SETD7: variants seen among roughly 807,000 people sequenced by gnomAD.
The protein encoded by SETD7 is histone-lysine N-methyltransferase SETD7.
A neutral mutation model predicts 41.8 loss-of-function variants in SETD7; 16 were observed. The observed-to-expected ratio is 0.38, with a 90% CI of 0.26 to 0.58. SETD7 has a LOEUF of 0.58. Ranked by LOEUF, SETD7 falls within the 20% of genes least tolerant of loss-of-function variation. SETD7 has a pLI of 0.64. For synonymous variants in SETD7, 163 were observed against 169.7 expected, an observed-to-expected ratio of 0.96 and a Z score of 0.31; for missense variants, 346 against 459.7, an observed-to-expected ratio of 0.75 and a Z score of 2.26.
rs773839398 is a variant in SETD7, at chr4:139,523,368, A to G, written c.630T>C (p.Pro210=). 3 of 1,611,724 alleles carry G rather than the reference A, an allele frequency of 1.9e-6. No homozygotes were observed. The highest frequency in any genetic ancestry group is 2.5e-6 in the Non-Finnish European group (3 of 1,177,894). ...CISTNALLPD[P]YESERVYVAE... ...GAGGAAATTACCTTTCTGATTCATA[A>G]GGATCTGGAAGAAGAGCATTGGTAG... is the stretch of plus-strand genomic sequence containing the variant. Residue 210 remains proline, a synonymous_variant, in exon 5 of 8, where the codon CCT becomes CCC. Coordinates refer to ENST00000274031, the MANE Select transcript of SETD7 (RefSeq NM_030648.4).
chr4:139,549,138 T>A (rs968935966), intron 1 of SETD7, among the ~76,000 whole-genome samples: 1 of 152,232 alleles, frequency 6.6e-6, no homozygotes, highest in Non-Finnish European at 1.5e-5. Context: ...TAGGTATTAA[T>A]ATCCAAATAA....
chr4:139,521,381 G>T (rs1411217043), intron 5 of SETD7, among the ~76,000 whole-genome samples: 4 of 151,414 alleles, frequency 2.6e-5, no homozygotes. Context: ...AGCTGAAATT[G>T]CACCATTGCA....
At chr4:139,542,625 T>C (rs1434426657) in intron 2 of SETD7, among the ~76,000 whole-genome samples, 17 of 151,836 alleles carry the variant, frequency 1.1e-4, no homozygotes, top group Admixed American at 1.1e-3. Context: ...TAATTACTTC[T>C]ATGGCATGGG....
rs565450310 is a variant in SETD7, at chr4:139,551,557, T to C, written c.41-4508A>G. ...CAGGCCTATATTCTAAGCAGCAATGTACATCTCAATCTCAGCAAAGTAAAT... is the reference window on the plus strand; with the variant it reads ...CAGGCCTATATTCTAAGCAGCAATGCACATCTCAATCTCAGCAAAGTAAAT... On this transcript the variant is annotated intron_variant, in intron 1 of 7. Coordinates refer to ENST00000274031, the MANE Select transcript of SETD7 (RefSeq NM_030648.4). Among the ~76,000 whole-genome samples the C allele has an allele frequency of 2.0e-5, 3 of 152,272 alleles. No homozygotes were observed. The East Asian group carries it at 5.8e-4, about 29-fold the overall frequency.
rs1727483725 is a variant in SETD7 at position 139,531,608 on chromosome 4, T to C, written c.372+1557A>G. ...ATCACGGATCCTACCAAGAGGATAT[T>C]TAAATGCTTTAGCAATTCTTAGAAA... On this transcript the variant is annotated intron_variant, in intron 3 of 7. Coordinates refer to ENST00000274031, the MANE Select transcript of SETD7 (RefSeq NM_030648.4). Among the ~76,000 whole-genome samples the C allele has an allele frequency of 5.9e-5, 9 of 152,350 alleles. No individual in the cohort carries two copies. The South Asian group carries it at 1.9e-3, about 32-fold the overall frequency.
chr4:139,496,264 G>A (rs1726452751), exon 8 of SETD7: 1 of 592,950 alleles, frequency 1.7e-6, no homozygotes, highest in East Asian at 2.9e-5. Flanking sequence ...GGCTCCCAGA[G>A]TGCGATTTTG....
intron 2 of SETD7, chr4:139,546,395 G>A (rs1009287961): frequency 9.2e-6 from 2 of 217,184 alleles, no homozygotes; most frequent in African/African-American, 2.4e-5. Context: ...CTGAGAAACC[G>A]ATGAAGCAGA....
chr4:139,526,274 ATT>A (rs35426583), intron 4 of SETD7, among the ~76,000 whole-genome samples: 19 of 141,138 alleles, frequency 1.3e-4, no homozygotes, highest in Middle Eastern at 3.3e-3. Context: ...ACTCTCAACA[ATT>A]TTTTTTTTTT....
rs1476698985 is a variant in SETD7 at position 139,516,484 on chromosome 4, AAAAC to A, written c.920+1397_920+1400del. On this transcript the variant is annotated intron_variant, in intron 7 of 7. Transcript: ENST00000274031. Reference sequence around the variant, plus strand: ...CTGTCTCAAAAAAAAAAAAAAAAAAAAAACAATGAAAAAGAATTTTCTAGTCATT... The same window carrying A: ...CTGTCTCAAAAAAAAAAAAAAAAAAAAATGAAAAAGAATTTTCTAGTCATT... 4.3e-4 allele frequency among the ~76,000 whole-genome samples: 65 copies of A among 151,222 alleles called. 1 individual carries two copies. In the East Asian group the frequency reaches 5.1e-3, roughly 12 times the overall value.
chr4:139,547,182 G>T, intron 1 of SETD7, 133 bp from the exon 2 acceptor site: 1 of 1,111,252 alleles, frequency 9.0e-7, no homozygotes, highest in Non-Finnish European at 1.3e-6. Context: ...CCCCTCCCTG[G>T]AAAGAAAGGG....
At chr4:139,526,718 T>C (rs1339810694) in intron 4 of SETD7, among the ~76,000 whole-genome samples, 1 of 152,192 alleles carries the variant, frequency 6.6e-6, no homozygotes, top group Non-Finnish European at 1.5e-5. Flanking sequence ...AAGGATAATA[T>C]AGTAAATGTT....
At chr4:139,534,945 T>C (rs1156248919) in intron 2 of SETD7, among the ~76,000 whole-genome samples, 2 of 152,230 alleles carry the variant, frequency 1.3e-5, no homozygotes, top group Admixed American at 6.5e-5. Flanking sequence ...ATTATACTAT[T>C]TGTAGTATCC....
intron 7 of SETD7, among the ~76,000 whole-genome samples, chr4:139,500,309 CT>C (rs940086964): frequency 2.6e-5 from 4 of 152,160 alleles, no homozygotes; most frequent in African/African-American, 4.8e-5. Context: ...CATGAACCCC[CT>C]GCTTCCACCT....
intron 2 of SETD7, among the ~76,000 whole-genome samples, chr4:139,538,556 T>C (rs986031674): frequency 6.6e-6 from 1 of 152,174 alleles, no homozygotes; most frequent in Admixed American, 6.5e-5. Flanking sequence ...CTCGAACTCC[T>C]GACCTCAAGT....
At chr4:139,528,293 C>A (rs921743310) in intron 4 of SETD7, among the ~76,000 whole-genome samples, 2 of 152,202 alleles carry the variant, frequency 1.3e-5, no homozygotes, top group Admixed American at 1.3e-4. Context: ...TTGTGCTCCA[C>A]GCAAGATGTT....
chr4:139,514,142 G>T (rs936873192), intron 7 of SETD7, among the ~76,000 whole-genome samples: 1 of 152,160 alleles, frequency 6.6e-6, no homozygotes, highest in African/African-American at 2.4e-5. Context: ...AAATTAGCCA[G>T]GGGTGGTGGT....
At chr4:139,494,316 A>T (rs1726415497), downstream of SETD7, among the ~76,000 whole-genome samples, 1 of 152,200 alleles carries the variant, frequency 6.6e-6, no homozygotes, top group Admixed American at 6.5e-5. Flanking sequence ...TCTAGGCCCC[A>T]CAATGAACTG....
At chr4:139,536,681 C>T (rs1012517711) in intron 2 of SETD7, among the ~76,000 whole-genome samples, 2 of 150,658 alleles carry the variant, frequency 1.3e-5, no homozygotes, top group African/African-American at 4.9e-5. Context: ...CACTGCACTC[C>T]AGCCTGGGTG....
chr4:139,511,537 G>A lies in SETD7; in HGVS notation c.*126C>T. On this transcript the variant is annotated 3_prime_UTR_variant, in exon 8 of 8. Coordinates refer to ENST00000274031, the MANE Select transcript of SETD7 (RefSeq NM_030648.4). The stretch of plus-strand genomic sequence containing the variant: ...CTAGTTAGTATGCGAGAAAGTCGTT[G>A]CTAACGCATGGTGAGAGGATGTGAC... 1.9e-6 allele frequency: 3 copies of A among 1,549,360 alleles called. No homozygotes were observed. The highest frequency in any genetic ancestry group is 4.0e-4 in the Middle Eastern group (2 of 4,970).
Sources: gnomAD v4.1 joint callset for allele counts (sites outside exome capture counted in the v4.1 genomes callset) on GRCh38, gnomAD v4.1.1 for gene constraint, MANE v1.5 for transcripts, NCBI Gene and HGNC (gene_info 2026-07-23, HGNC 2026-07-21) for gene names.